MGAT4C: variants seen among roughly 807,000 people sequenced by gnomAD.
MGAT4C encodes the protein alpha-1,3-mannosyl-glycoprotein 4-beta-N-acetylglucosaminyltransferase C.
Under a neutral mutation model 40.1 loss-of-function variants are expected in MGAT4C, and 19 were observed. The observed-to-expected ratio is 0.47, with a 90% confidence interval of 0.33 to 0.70. The LOEUF is 0.70. MGAT4C is among the 30% of genes least tolerant of loss of function. The pLI is 0.02. For missense variants in MGAT4C, 491 were observed against 563.2 expected (o/e 0.87, Z 1.30); for synonymous variants, 181 against 187.1 (o/e 0.97, Z 0.27).
At chr12:86,550,693 C>T (rs1959307589) in intron 2 of MGAT4C, among the ~76,000 whole-genome samples, 1 of 152,188 alleles carries the variant, frequency 6.6e-6, no homozygotes, top group Non-Finnish European at 1.5e-5. Flanking sequence ...AACTAACACC[C>T]ACGATCAACA....
chr12:86,562,700 A>G lies in MGAT4C; in HGVS notation c.-228-127435T>C, dbSNP rs572863360. Among the ~76,000 whole-genome samples, 24 of 152,166 alleles carry G rather than the reference A, an allele frequency of 1.6e-4. No homozygotes were observed. In the East Asian group the frequency reaches 4.3e-3, roughly 27 times the overall value. On this transcript the variant is annotated intron_variant, in intron 2 of 7. Transcript: ENST00000548651. ...AGAGGTGAGGTTCAGAGTGTGACCC[A>G]TGAGGAGGTGCACTACACTCCAAAA...
At chr12:86,116,563 A>C (rs975091218) in intron 1 of MGAT4C, among the ~76,000 whole-genome samples, 3 of 152,154 alleles carry the variant, frequency 2.0e-5, no homozygotes, top group Non-Finnish European at 2.9e-5. Context: ...AGATTACTGT[A>C]GAAAATTTAA....
chr12:86,306,114 C>T (rs1483932060), intron 4 of MGAT4C, among the ~76,000 whole-genome samples: 2 of 150,320 alleles, frequency 1.3e-5, no homozygotes, highest in Non-Finnish European at 2.9e-5. Flanking sequence ...TAAAAGAATA[C>T]AATTAGAGAT....
chr12:86,547,796 GAGAC>G (rs1959205333), intron 2 of MGAT4C, among the ~76,000 whole-genome samples: 1 of 152,100 alleles, frequency 6.6e-6, no homozygotes, highest in Admixed American at 6.5e-5. Context: ...ACCACAAAAA[GAGAC>G]AGACAAACAT....
chr12:86,303,703 T>C (rs1289201958), intron 4 of MGAT4C, among the ~76,000 whole-genome samples: 1 of 150,598 alleles, frequency 6.6e-6, no homozygotes, highest in Non-Finnish European at 1.5e-5. Context: ...TATTATTACC[T>C]TCTGTATACA....
chr12:85,980,111 A>G lies in MGAT4C; in HGVS notation c.615T>C (p.Asp205=), dbSNP rs914840735. The part of the protein sequence containing the change: ...RVKFRSKQNV[D]YAFLLNFCAN... ...CACAAAAATTAAGCAGAAAAGCATAATCTACATTTTGCTTGGAACGAAATT... is the reference window on the plus strand; with the variant it reads ...CACAAAAATTAAGCAGAAAAGCATAGTCTACATTTTGCTTGGAACGAAATT... Residue 205 remains aspartate (D), a synonymous_variant, in exon 5 of 5, where the codon GAT becomes GAC. Transcript: ENST00000611864. The G allele has an allele frequency of 6.2e-7, 1 of 1,613,906 alleles. No individual in the cohort carries two copies. Among genetic ancestry groups the G allele is most frequent in the Non-Finnish European group, 8.5e-7 (1 of 1,179,868 alleles).
rs183847002 is a variant in MGAT4C, at chr12:86,019,341, C to T, written c.-6-29789G>A. ...CTAAGATAGTTTTAGTGGTGTGCCC[C>T]AGTATAATAGATAGCAAGTATGCTG... On this transcript the variant is annotated intron_variant, in intron 2 of 4. Coordinates refer to ENST00000611864, the MANE Select transcript of MGAT4C (RefSeq NM_001351288.2). 1.9e-3 allele frequency among the ~76,000 whole-genome samples: 293 copies of T among 152,088 alleles called. 1 individual carries two copies. Among genetic ancestry groups the T allele is most frequent in the African/African-American group, 6.5e-3 (268 of 41,496 alleles).
chr12:86,764,316 T>C (rs1593183882), intron 1 of MGAT4C, among the ~76,000 whole-genome samples: 2 of 151,462 alleles, frequency 1.3e-5, no homozygotes, highest in East Asian at 2.0e-4. Context: ...GGGGGAGGGG[T>C]GCCCGCCATT....
intron 4 of MGAT4C, among the ~76,000 whole-genome samples, chr12:86,321,721 C>G (rs1260062658): frequency 6.6e-6 from 1 of 152,098 alleles, no homozygotes; most frequent in East Asian, 1.9e-4. Flanking sequence ...AGTCAGGAAA[C>G]AACAGGTGCT....
At chr12:86,746,425 T>A (rs1467759486) in intron 1 of MGAT4C, among the ~76,000 whole-genome samples, 1 of 151,446 alleles carries the variant, frequency 6.6e-6, no homozygotes, top group Admixed American at 6.6e-5. Flanking sequence ...GGTGGGAAAA[T>A]TACCCACTGT....
chr12:86,363,186 T>C (rs956786685), intron 3 of MGAT4C, among the ~76,000 whole-genome samples: 4 of 152,040 alleles, frequency 2.6e-5, no homozygotes, highest in African/African-American at 9.7e-5. Flanking sequence ...AACTTAAAAT[T>C]ATACCCAACA....
chr12:86,025,054 G>A (rs1347050958), intron 2 of MGAT4C, among the ~76,000 whole-genome samples: 3 of 151,428 alleles, frequency 2.0e-5, no homozygotes, highest in African/African-American at 7.3e-5. Context: ...ATTCCTTAAA[G>A]TAAATTATCA....
rs1323171713 is a variant in MGAT4C, at chr12:86,037,241, C to T, written c.-7+12433G>A. 1.3e-5 allele frequency among the ~76,000 whole-genome samples: 2 copies of T among 149,894 alleles called. 1 individual carries two copies. Among genetic ancestry groups the T allele is most frequent in the African/African-American group, 4.9e-5 (2 of 41,200 alleles). ...TTCGTTGATCTTTTCAAAAATCCAG[C>T]TCCTGGATTCATTGATTTTTTGAAG... On this transcript the variant is annotated intron_variant, in intron 2 of 4. Transcript: ENST00000611864.
intron 2 of MGAT4C, among the ~76,000 whole-genome samples, chr12:86,711,899 T>C (rs529575754): frequency 6.6e-6 from 1 of 152,254 alleles, no homozygotes; most frequent in Admixed American, 6.5e-5. Flanking sequence ...CATGATGACC[T>C]TTTAACTGTG....
chr12:86,733,778 A>C (rs1950946509), intron 1 of MGAT4C, among the ~76,000 whole-genome samples: 1 of 152,098 alleles, frequency 6.6e-6, no homozygotes, highest in African/African-American at 2.4e-5. Context: ...AAAACCCAAA[A>C]TGCCTGAGAA....
intron 1 of MGAT4C, among the ~76,000 whole-genome samples, chr12:86,246,255 C>T (rs898014269): frequency 1.3e-5 from 2 of 148,354 alleles, no homozygotes; most frequent in Middle Eastern, 3.6e-3. Context: ...GCTTGATCTC[C>T]GCTCACTGCA....
At chr12:86,070,837 TA>T (rs1048434870) in intron 1 of MGAT4C, among the ~76,000 whole-genome samples, 11 of 152,000 alleles carry the variant, frequency 7.2e-5, no homozygotes, top group Non-Finnish European at 1.2e-4. Context: ...TATTGATTTT[TA>T]AAAAAACATT....
chr12:86,335,673 T>C (rs1303783530), intron 3 of MGAT4C, among the ~76,000 whole-genome samples: 1 of 152,158 alleles, frequency 6.6e-6, no homozygotes, highest in Non-Finnish European at 1.5e-5. Context: ...GAAGTAATTA[T>C]ACTGTTATTT....
Position 85,980,305 on chromosome 12 carries a change from G to C in MGAT4C, c.421C>G (p.Leu141Val), listed in dbSNP as rs539968414. ...CGCCAGGAAGAATTAAAGTCTGCTAGGTGAACCACCACTGAAATTTCCTTC... is the reference window on the plus strand; with the variant it reads ...CGCCAGGAAGAATTAAAGTCTGCTACGTGAACCACCACTGAAATTTCCTTC... Reference protein sequence around the residue: ...ELKEISVVVHLADFNSSWRDA... With the variant: ...ELKEISVVVHVADFNSSWRDA... The change falls in exon 5 of 5, where the codon CTA (leucine) becomes GTA (valine). Residue 141 changes from leucine to valine, a missense_variant. Leu to Val is a conservative substitution (Grantham distance 32, BLOSUM62 1). Coordinates refer to ENST00000611864, the MANE Select transcript of MGAT4C (RefSeq NM_001351288.2). 2.5e-6 allele frequency: 4 copies of C among 1,613,788 alleles called. No individual in the cohort carries two copies. The highest frequency in any genetic ancestry group is 1.7e-5 in the Admixed American group (1 of 59,940).
Sources: allele counts gnomAD v4.1 joint callset (sites outside exome capture counted in the v4.1 genomes callset), GRCh38; gene constraint gnomAD v4.1.1; transcripts MANE v1.5; gene names NCBI Gene and HGNC (gene_info 2026-07-23, HGNC 2026-07-21).